Variants in ATXN1 observed in about 807,000 individuals in gnomAD.
ATXN1 encodes ataxin-1.
In ATXN1, 8 loss-of-function variants were observed where a neutral mutation model predicts 56.4. The observed-to-expected ratio is 0.14, with a 90% CI of 0.08 to 0.26. The LOEUF (loss-of-function observed/expected upper bound fraction) is 0.26. Among genes scored for constraint, ATXN1 ranks in the 10% least tolerant of loss-of-function variants. The pLI is 1.00. For synonymous variants in ATXN1, 514 were observed against 494.6 expected (o/e 1.04, Z -0.52); for missense variants, 987 against 1,106.5 (o/e 0.89, Z 1.53).
At chr6:16,688,640 C>T (rs1758970615) in intron 2 of ATXN1, among the ~76,000 whole-genome samples, 1 of 152,204 alleles carries the variant, frequency 6.6e-6, no homozygotes, top group African/African-American at 2.4e-5. Flanking sequence ...ATTGCAAACC[C>T]AAAACAGGGT....
In ATXN1 at chr6:16,480,107, G is replaced by A. The variant is rs201687360; in HGVS notation, c.-161+5865C>T. 6.4e-5 allele frequency among the ~76,000 whole-genome samples: 9 copies of A among 141,068 alleles called. No individual in the cohort carries two copies. In the East Asian group the frequency reaches 1.2e-3, roughly 19 times the overall value. 92.5% of individuals were successfully genotyped at this position (141,068 alleles called of 152,430 possible). A position where few individuals can be genotyped will look rare whatever the true frequency, so the allele number is the denominator to read the frequency against. ...GTGGAGGTTGCAGTGAGTTAAGATC[G>A]TGCCACTGCCCTCCAGCCTGGGCAA... On this transcript the variant is annotated intron_variant, in intron 6 of 7. Transcript: ENST00000436367.
chr6:16,571,332 T>C (rs187912982), intron 4 of ATXN1, among the ~76,000 whole-genome samples: 1 of 152,244 alleles, frequency 6.6e-6, no homozygotes, highest in Admixed American at 6.5e-5. Flanking sequence ...GTCAATACAT[T>C]AGTTTAAAAG....
At position 16,593,273 on chromosome 6, in the gene ATXN1, G is replaced by A. The variant is rs757349960; in HGVS notation, c.-488-7366C>T. ...CTAAAACCTCCACCACTCAAGGAGC[G>A]ACACTGTCAGAAGCAGACCTTCTAA... On this transcript the variant is annotated intron_variant, in intron 3 of 7. Coordinates refer to ENST00000436367, the MANE Select transcript of ATXN1 (RefSeq NM_001128164.2). Among the ~76,000 whole-genome samples the A allele has an allele frequency of 2.4e-4, 36 of 152,248 alleles. No homozygotes were observed. In the South Asian group the frequency reaches 3.3e-3, roughly 14 times the overall value.
At chr6:16,391,884 C>G (rs776404135) in intron 6 of ATXN1, among the ~76,000 whole-genome samples, 14 of 152,154 alleles carry the variant, frequency 9.2e-5, no homozygotes, top group Admixed American at 8.5e-4. Context: ...AAGGCAGTGC[C>G]CTTGACTGCA....
At chr6:16,433,521 GTTAAGCACCCCTT>G (rs1474273041) in intron 6 of ATXN1, among the ~76,000 whole-genome samples, 1 of 152,156 alleles carries the variant, frequency 6.6e-6, no homozygotes, top group Non-Finnish European at 1.5e-5. Context: ...GTCCCTCCTG[GTTAAGCACCCCTT>G]TGTCACGTGC....
intron 2 of ATXN1, among the ~76,000 whole-genome samples, chr6:16,715,688 G>T (rs1759623675): frequency 6.6e-6 from 1 of 152,136 alleles, no homozygotes; most frequent in Admixed American, 6.5e-5. Flanking sequence ...CTTTGTGTTG[G>T]TATGAATGTG....
chr6:16,328,555 C>G lies in ATXN1; in HGVS notation c.-160-85G>C. 1.8e-6 allele frequency: 1 copy of G among 556,132 alleles called. No homozygotes were observed. The highest frequency in any genetic ancestry group is 2.7e-6 in the Non-Finnish European group (1 of 370,364). 34.4% of individuals were successfully genotyped at this position (556,132 alleles called of 1,614,324 possible). A position where few individuals can be genotyped will look rare whatever the true frequency, so the allele number is the denominator to read the frequency against. ...GGGAAAGGACATCAGAACATGAGCACCGGGGAAAGAACATCTTTGGCAAGA... is the reference window on the plus strand; with the variant it reads ...GGGAAAGGACATCAGAACATGAGCAGCGGGGAAAGAACATCTTTGGCAAGA... On this transcript the variant is annotated intron_variant, in intron 6 of 7. Transcript: ENST00000436367. This position sits in a 1 kb window ranked among gnomAD's most constrained non-coding sequence, Gnocchi z 6.2.
intron 3 of ATXN1, among the ~76,000 whole-genome samples, chr6:16,646,112 T>C (rs1236950329): frequency 6.6e-6 from 1 of 152,022 alleles, no homozygotes; most frequent in African/African-American, 2.4e-5. Context: ...ATTCCAGAGC[T>C]CTGGGAAGTT....
At chr6:16,665,367 T>C (rs1038473138) in intron 2 of ATXN1, among the ~76,000 whole-genome samples, 2 of 152,330 alleles carry the variant, frequency 1.3e-5, no homozygotes, top group East Asian at 1.9e-4. Flanking sequence ...CAGTGAATTA[T>C]GCAAATCTTC....
rs1167335802 is a variant in ATXN1, at chr6:16,327,133, G to C, written c.1178C>G (p.Ala393Gly). 1 of 1,613,560 alleles carries C rather than the reference G, an allele frequency of 6.2e-7. No individual in the cohort carries two copies. The highest frequency in any genetic ancestry group is 1.7e-5 in the Admixed American group (1 of 60,030). The stretch of plus-strand genomic sequence containing the variant: ...AGTGGCCTGTTGCACCTCCAGGTCA[G>C]CTGCGGGCGTGTTGCTGTTGGGCAG... Reference protein sequence around the residue: ...MVLPNSNTPAADLEVQQATHR... With the variant: ...MVLPNSNTPAGDLEVQQATHR... The change falls in exon 7 of 8, where the codon GCT (alanine) becomes GGT (glycine). Residue 393 changes from alanine (A) to glycine (G), a missense_variant. Ala to Gly is a moderately conservative substitution (Grantham distance 60, BLOSUM62 0). This residue lies in a region of ATXN1 where 723 missense variants were observed against 791.7 expected (regional missense o/e 0.91). Transcript: ENST00000436367.
At chr6:16,687,183 C>A (rs1429092059) in intron 2 of ATXN1, among the ~76,000 whole-genome samples, 1 of 152,170 alleles carries the variant, frequency 6.6e-6, no homozygotes. Context: ...TGTAGCAAAA[C>A]CTATTTAATG....
chr6:16,414,933 A>G (rs1758871783), intron 6 of ATXN1, among the ~76,000 whole-genome samples: 1 of 152,238 alleles, frequency 6.6e-6, no homozygotes, highest in South Asian at 2.1e-4. Context: ...ATGGACTAAA[A>G]GTTGAGCTAC....
chr6:16,310,007 C>T (rs964777599), intron 7 of ATXN1, among the ~76,000 whole-genome samples: 5 of 151,292 alleles, frequency 3.3e-5, no homozygotes, highest in African/African-American at 7.3e-5. Flanking sequence ...GAGCCAAGAT[C>T]GTTGCAGTGA....
chr6:16,685,423 G>A (rs1251992899), intron 2 of ATXN1, among the ~76,000 whole-genome samples: 1 of 152,042 alleles, frequency 6.6e-6, no homozygotes, highest in Non-Finnish European at 1.5e-5. Context: ...GGGCATCTTA[G>A]GGAGTTCCCC....
chr6:16,691,651 A>G (rs1230378925), intron 2 of ATXN1, among the ~76,000 whole-genome samples: 1 of 152,252 alleles, frequency 6.6e-6, no homozygotes, highest in African/African-American at 2.4e-5. Flanking sequence ...GTAAATAAAT[A>G]GCCACTGAGA....
intron 3 of ATXN1, among the ~76,000 whole-genome samples, chr6:16,627,726 C>A (rs964369174): frequency 6.6e-6 from 1 of 152,068 alleles, no homozygotes; most frequent in African/African-American, 2.4e-5. Context: ...GACTCCATCT[C>A]AAAGCAAACA....
chr6:16,648,722 G>T (rs937558567), intron 3 of ATXN1, among the ~76,000 whole-genome samples: 2 of 152,154 alleles, frequency 1.3e-5, no homozygotes, highest in African/African-American at 4.8e-5. Context: ...AATGATGTGG[G>T]TATTTAATGT....
intron 6 of ATXN1, among the ~76,000 whole-genome samples, chr6:16,483,697 A>G (rs1044985621): frequency 1.3e-5 from 2 of 152,284 alleles, no homozygotes; most frequent in Admixed American, 6.5e-5. Context: ...TGTACACTTC[A>G]GAAGTCCTTT....
intron 3 of ATXN1, among the ~76,000 whole-genome samples, chr6:16,620,141 A>C (rs1169991673): frequency 6.6e-6 from 1 of 152,108 alleles, no homozygotes; most frequent in Non-Finnish European, 1.5e-5. Context: ...CCAAACTTTT[A>C]CAGTAGGAGA....
Sources: gnomAD v4.1 joint callset for allele counts (sites outside exome capture counted in the v4.1 genomes callset) on GRCh38, gnomAD v4.1.1 for gene constraint, gnomAD v4.1.1 regional missense constraint, Gnocchi (gnomAD v3.1) non-coding constraint, MANE v1.5 for transcripts, NCBI Gene and HGNC (gene_info 2026-07-23, HGNC 2026-07-21) for gene names.